ARHGEF37: variants seen among roughly 807,000 people sequenced by gnomAD.
ARHGEF37 encodes Rho guanine nucleotide exchange factor (GEF) 37.
ARHGEF37 carries 55 observed loss-of-function variants against 71.1 expected under a neutral mutation model. The ratio of observed to expected loss-of-function variants is 0.77; its 90% CI spans 0.62 to 0.97. The LOEUF is 0.97. ARHGEF37 is among the 50% of genes least tolerant of loss of function. The pLI is 0.00. For missense variants in ARHGEF37, 765 were observed against 836.8 expected, an observed-to-expected ratio of 0.91 and a Z score of 1.06; for synonymous variants, 327 against 350.6, an observed-to-expected ratio of 0.93 and a Z score of 0.75.
intron 3 of ARHGEF37, among the ~76,000 whole-genome samples, chr5:149,604,564 T>G (rs1763853944): frequency 6.6e-6 from 1 of 152,044 alleles, no homozygotes; most frequent in African/African-American, 2.4e-5. Flanking sequence ...TCAGTGCAAC[T>G]GTGTGCCAGG....
At chr5:149,600,710 G>A (rs989736003) in intron 2 of ARHGEF37, among the ~76,000 whole-genome samples, 4 of 150,642 alleles carry the variant, frequency 2.7e-5, no homozygotes, top group Non-Finnish European at 4.4e-5. Context: ...GCACGATCTC[G>A]GCTCACTGCA....
chr5:149,626,841 A>G (rs546486109), intron 10 of ARHGEF37: 21 of 387,442 alleles, frequency 5.4e-5, no homozygotes, highest in African/African-American at 4.3e-4. Flanking sequence ...TCAGAACTTG[A>G]ATTGGAATTT....
chr5:149,596,149 G>C (rs1580902161), intron 1 of ARHGEF37, among the ~76,000 whole-genome samples: 1 of 152,210 alleles, frequency 6.6e-6, no homozygotes, highest in South Asian at 2.1e-4. Context: ...CCCCACCGTA[G>C]TTTTCAATTC....
chr5:149,615,721 C>T (rs1752357982), intron 4 of ARHGEF37, among the ~76,000 whole-genome samples: 1 of 151,922 alleles, frequency 6.6e-6, no homozygotes, highest in Non-Finnish European at 1.5e-5. Context: ...GAAACCCCGT[C>T]TCTACTAAAA....
At chr5:149,573,550 A>T (rs1418098358) in intron 1 of ARHGEF37, among the ~76,000 whole-genome samples, 1 of 152,084 alleles carries the variant, frequency 6.6e-6, no homozygotes, top group Non-Finnish European at 1.5e-5. Flanking sequence ...TCAACTTCTT[A>T]CCTTGCTTTA....
chr5:149,601,295 T>G, intron 3 of ARHGEF37, 64 bp downstream of exon 3: 1 of 1,559,882 alleles, frequency 6.4e-7, no homozygotes, highest in Non-Finnish European at 8.7e-7. Flanking sequence ...CAGCGAGTGG[T>G]CACTGCTTAA....
At position 149,565,829 on chromosome 5, in the gene ARHGEF37, A is replaced by ATTTTTTTTTTTTTTTT. The variant is rs201683478; in HGVS notation, c.-12+13726_-12+13741dup. Reference sequence around the variant, plus strand: ...TAGCTTTGTAATGTCAGAAACTCTAATTTTTTTTTTTTTTTTTTTTTTTTT... The same window carrying ATTTTTTTTTTTTTTTT: ...TAGCTTTGTAATGTCAGAAACTCTAATTTTTTTTTTTTTTTTTTTTTTTTTTTTTTTTTTTTTTTTT... On this transcript the variant is annotated intron_variant, in intron 1 of 2. Coordinates refer to the ARHGEF37 transcript ENST00000505810. 1.1e-3 allele frequency among the ~76,000 whole-genome samples: 95 copies of ATTTTTTTTTTTTTTTT among 84,542 alleles called. 11 individuals are homozygous for ATTTTTTTTTTTTTTTT. Among genetic ancestry groups the ATTTTTTTTTTTTTTTT allele is most frequent in the South Asian group, 2.3e-3 (4 of 1,722 alleles). 55.5% of individuals were successfully genotyped at this position (84,542 alleles called of 152,430 possible). A position where few individuals can be genotyped will look rare whatever the true frequency, so the allele number is the denominator to read the frequency against.
chr5:149,611,561 G>A (rs1267294118), intron 4 of ARHGEF37, among the ~76,000 whole-genome samples: 1 of 152,238 alleles, frequency 6.6e-6, no homozygotes, highest in East Asian at 1.9e-4. Flanking sequence ...GGGCTCTGTA[G>A]CCGAGCTCCA....
intron 1 of ARHGEF37, among the ~76,000 whole-genome samples, chr5:149,558,868 A>T (rs1267441171): frequency 6.6e-6 from 1 of 152,000 alleles, no homozygotes; most frequent in Non-Finnish European, 1.5e-5. Context: ...AAATGTTAAC[A>T]TTTTGCTGTA....
In ARHGEF37 at chr5:149,632,248, C is replaced by A. The variant is rs578210586; in HGVS notation, c.*57C>A. The A allele has an allele frequency of 2.7e-4, 432 of 1,571,556 alleles. No homozygotes were observed. The highest frequency in any genetic ancestry group is 3.6e-4 in the Non-Finnish European group (410 of 1,150,984). On this transcript the variant is annotated 3_prime_UTR_variant, in exon 13 of 13. Transcript: ENST00000333677. ...GATGGGGGAGGCTTAGAGGCTCTGACCCTGGGGGGAAAAGAAGCAAAGGAA... is the reference window on the plus strand; with the variant it reads ...GATGGGGGAGGCTTAGAGGCTCTGAACCTGGGGGGAAAAGAAGCAAAGGAA...
chr5:149,588,709 C>G (rs537629917), intron 1 of ARHGEF37, among the ~76,000 whole-genome samples: 10 of 152,162 alleles, frequency 6.6e-5, no homozygotes, highest in South Asian at 4.1e-4. Flanking sequence ...CTTTTTCCCC[C>G]CTTCCTTAAA....
Position 149,560,708 on chromosome 5 carries a change from C to T in ARHGEF37, c.-12+8585C>T, listed in dbSNP as rs371440873. Among the ~76,000 whole-genome samples, 77 of 151,636 alleles carry T rather than the reference C, an allele frequency of 5.1e-4. 1 individual carries two copies. The highest frequency in any genetic ancestry group is 1.8e-3 in the African/African-American group (73 of 41,310). ...AGGGCGAGGGGGCAGATGACTTGAG[C>T]TTAGGAGTTTGAGACCAGCCTGGGC... On this transcript the variant is annotated intron_variant, in intron 1 of 2. Transcript: ENST00000505810.
rs903934798 is a variant in ARHGEF37 at position 149,615,553 on chromosome 5, A to G, written c.459-1014A>G. 3.9e-5 allele frequency among the ~76,000 whole-genome samples: 6 copies of G among 152,216 alleles called. 1 individual carries two copies. Among genetic ancestry groups the G allele is most frequent in the Admixed American group, 2.6e-4 (4 of 15,286 alleles). ...AGATATTATGACTTTTTACCCCTAAATACTTTAAATAAATCTCTAAAAATT... is the reference window on the plus strand; with the variant it reads ...AGATATTATGACTTTTTACCCCTAAGTACTTTAAATAAATCTCTAAAAATT... On this transcript the variant is annotated intron_variant, in intron 4 of 12. Coordinates refer to ENST00000333677, the MANE Select transcript of ARHGEF37 (RefSeq NM_001001669.3).
chr5:149,574,319 G>A (rs955603342), intron 1 of ARHGEF37, among the ~76,000 whole-genome samples: 9 of 152,312 alleles, frequency 5.9e-5, no homozygotes, highest in Non-Finnish European at 1.2e-4. Flanking sequence ...ACAATACTTG[G>A]AAGGGTACTG....
chr5:149,629,216 A>ATTCG (rs1561812460), intron 12 of ARHGEF37, among the ~76,000 whole-genome samples: 1 of 9,578 alleles, frequency 1.0e-4, no homozygotes, highest in African/African-American at 2.5e-3. Flanking sequence ...GGCAAGTGAG[A>ATTCG]TTCATTCATT....
chr5:149,554,265 G>T (rs1762723599), intron 1 of ARHGEF37, among the ~76,000 whole-genome samples: 1 of 152,188 alleles, frequency 6.6e-6, no homozygotes, highest in African/African-American at 2.4e-5. Flanking sequence ...AGGAGTTCCA[G>T]GCTGCTGTGA....
chr5:149,626,430 G>T (rs1474592421), intron 10 of ARHGEF37, among the ~76,000 whole-genome samples: 2 of 152,210 alleles, frequency 1.3e-5, no homozygotes, highest in Non-Finnish European at 2.9e-5. Context: ...AACAGGAAAT[G>T]CCAGGAGATT....
chr5:149,583,466 A>G (rs1763158026), intron 1 of ARHGEF37, among the ~76,000 whole-genome samples: 1 of 152,024 alleles, frequency 6.6e-6, no homozygotes, highest in South Asian at 2.1e-4. Context: ...GAGAGGAAAG[A>G]GGACATAAAC....
chr5:149,616,795 A>G (rs376696199), intron 5 of ARHGEF37, 29 bp downstream of exon 5: 47 of 1,546,794 alleles, frequency 3.0e-5, no homozygotes, highest in Non-Finnish European at 3.6e-5. Context: ...AAGGGGACAC[A>G]TTAGTAGGAA....
Sources: gnomAD v4.1 joint callset for allele counts (sites outside exome capture counted in the v4.1 genomes callset) on GRCh38, gnomAD v4.1.1 for gene constraint, MANE v1.5 for transcripts, NCBI Gene and HGNC (gene_info 2026-07-23, HGNC 2026-07-21) for gene names.